Variants in ANKDD1A observed in about 807,000 individuals in gnomAD.
ANKDD1A encodes ankyrin repeat and death domain-containing protein 1A.
In ANKDD1A, 59 loss-of-function variants were observed where a neutral mutation model predicts 63.5. The observed-to-expected ratio is 0.93, with a 90% CI of 0.75 to 1.15. The LOEUF is 1.15. Ranked by LOEUF, ANKDD1A falls within the 50% of genes most tolerant of loss-of-function variation. The probability of loss-of-function intolerance (pLI) is 0.00; values close to 1 mark genes in which losing one functional copy is unlikely to be tolerated. For synonymous variants in ANKDD1A, 266 were observed against 263.9 expected, an observed-to-expected ratio of 1.01 and a Z score of -0.08; for missense variants, 632 against 656.4, an observed-to-expected ratio of 0.96 and a Z score of 0.41.
chr15:64,953,628 T>TTCTTC (rs1472903050), intron 14 of ANKDD1A, among the ~76,000 whole-genome samples: 2 of 125,632 alleles, frequency 1.6e-5, no homozygotes, highest in Non-Finnish European at 3.4e-5. Context: ...CTTCTTCTTC[T>TTCTTC]TCCTTCTTCT....
Position 64,958,666 on chromosome 15 carries a change from C to T in ANKDD1A, c.*1478C>T, listed in dbSNP as rs1408201350. ...TCTGAGAAAAAAAAGTTCTTAAATACAATAAAATTGAAATGTTGAAATATA... is the reference window on the plus strand; with the variant it reads ...TCTGAGAAAAAAAAGTTCTTAAATATAATAAAATTGAAATGTTGAAATATA... On this transcript the variant is annotated 3_prime_UTR_variant, in exon 15 of 15. Coordinates refer to ENST00000319580, the MANE Select transcript of ANKDD1A (RefSeq NM_182703.6). The T allele has an allele frequency of 6.6e-6, 1 of 152,052 alleles. No homozygotes were observed. Among genetic ancestry groups the T allele is most frequent in the Non-Finnish European group, 1.5e-5 (1 of 67,996 alleles). The allele number at this position is 152,052 out of a possible 1,614,324, so 9.4% of individuals were successfully genotyped here.
intron 4 of ANKDD1A, among the ~76,000 whole-genome samples, chr15:64,922,937 T>C (rs536512345): frequency 1.1e-3 from 170 of 152,362 alleles, no homozygotes; most frequent in African/African-American, 4.0e-3. Flanking sequence ...CTTACACTTA[T>C]CATTACATTG....
At chr15:64,939,330 A>C (rs985323852) in intron 9 of ANKDD1A, among the ~76,000 whole-genome samples, 4 of 152,134 alleles carry the variant, frequency 2.6e-5, no homozygotes, top group African/African-American at 9.7e-5. Flanking sequence ...GTTTATTAAA[A>C]ACTGCAGAAT....
rs145919740 is a variant in ANKDD1A at position 64,921,934 on chromosome 15, C to T, written c.281C>T (p.Ala94Val). The T allele has an allele frequency of 5.6e-5, 90 of 1,613,964 alleles. No homozygotes were observed. Among genetic ancestry groups the T allele is most frequent in the Middle Eastern group, 1.6e-4 (1 of 6,084 alleles). ...CCTCTCCCCTAGTTTGGGATGAATG[C>T]GCTTCTCCTGTCTGCCTGGTTCGGC... ...TEARLCFGMN[A>V]LLLSAWFGHL... The change falls in exon 4 of 15, where the codon GCG becomes GTG. Residue 94 changes from alanine (A) to valine (V), a missense_variant. Transcript: ENST00000319580.
chr15:64,942,945 A>C (rs1183226106), intron 10 of ANKDD1A, among the ~76,000 whole-genome samples: 2 of 152,078 alleles, frequency 1.3e-5, no homozygotes, highest in African/African-American at 4.8e-5. Context: ...AGCCCTTTTA[A>C]ATCCTGTCCC....
chr15:64,917,583 C>T, intron 3 of ANKDD1A, 69 bp downstream of exon 3: 1 of 1,503,508 alleles, frequency 6.7e-7, no homozygotes, highest in South Asian at 1.3e-5. Context: ...GGTCTATGAG[C>T]CAGTTGCCGA....
chr15:64,953,964 T>TC lies in ANKDD1A; in HGVS notation c.1484-3139_1484-3138insC, dbSNP rs1555397942. On this transcript the variant is annotated intron_variant, in intron 14 of 14. Coordinates refer to ENST00000319580, the MANE Select transcript of ANKDD1A (RefSeq NM_182703.6). ...TTCCTCTTCTTCTATTGTTTCTTTT[T>TC]TTCTTCTTTCTTCCTCTATCTTCTT... 4.1e-4 allele frequency among the ~76,000 whole-genome samples: 15 copies of TC among 36,912 alleles called. 1 individual carries two copies. The highest frequency in any genetic ancestry group is 6.3e-4 in the African/African-American group (15 of 23,974). The allele number at this position is 36,912 out of a possible 152,430, so 24.2% of individuals were successfully genotyped here.
intron 1 of ANKDD1A, among the ~76,000 whole-genome samples, chr15:64,915,263 C>T (rs187156338): frequency 1.4e-3 from 219 of 152,272 alleles, no homozygotes; most frequent in Non-Finnish European, 2.6e-3. Context: ...CAAGATCACG[C>T]CACTGCACTC....
At chr15:64,944,207 A>T (rs2085206598) in intron 11 of ANKDD1A, among the ~76,000 whole-genome samples, 1 of 152,164 alleles carries the variant, frequency 6.6e-6, no homozygotes, top group African/African-American at 2.4e-5. Context: ...TTCCCATCTC[A>T]CTGCAGGTCT....
At chr15:64,934,526 G>T (rs1406304359) in intron 9 of ANKDD1A, among the ~76,000 whole-genome samples, 1 of 139,186 alleles carries the variant, frequency 7.2e-6, no homozygotes, top group African/African-American at 2.7e-5. Flanking sequence ...TTGAGACAGA[G>T]TCTTGCTCTG....
At chr15:64,912,647 G>A (rs941344505) in intron 1 of ANKDD1A, among the ~76,000 whole-genome samples, 3 of 152,250 alleles carry the variant, frequency 2.0e-5, no homozygotes, top group African/African-American at 7.2e-5. Flanking sequence ...GGAGAGGGGA[G>A]AGAAAGATTG....
At chr15:64,941,717 A>G (rs1014499884) in intron 9 of ANKDD1A, among the ~76,000 whole-genome samples, 22 of 152,302 alleles carry the variant, frequency 1.4e-4, no homozygotes, top group African/African-American at 5.1e-4. Flanking sequence ...GCCTTGTACT[A>G]TTCCACAGGA....
In ANKDD1A at chr15:64,955,026, TCC is replaced by T. The variant is rs1248779830; in HGVS notation, c.1484-2076_1484-2075del. The stretch of plus-strand genomic sequence containing the variant: ...TCCTTCTTCTTCCACTTCTTCTTCT[TCC>T]TCTTCTTCTTCTTTCTTTCTTTCTT... On this transcript the variant is annotated intron_variant, in intron 14 of 14. Coordinates refer to ENST00000319580, the MANE Select transcript of ANKDD1A (RefSeq NM_182703.6). Among the ~76,000 whole-genome samples the T allele has an allele frequency of 6.1e-3, 537 of 87,524 alleles. 4 individuals are homozygous for T. The Middle Eastern group carries it at 0.074, about 12-fold the overall frequency. The allele number at this position is 87,524 out of a possible 152,430, so 57.4% of individuals were successfully genotyped here. A position where few individuals can be genotyped will look rare whatever the true frequency, so the allele number is the denominator to read the frequency against.
At chr15:64,926,339 G>A (rs968727863) in intron 5 of ANKDD1A, among the ~76,000 whole-genome samples, 169 bp downstream of exon 5, 7 of 152,098 alleles carry the variant, frequency 4.6e-5, no homozygotes, top group African/African-American at 7.2e-5. Context: ...GCGCAAATGA[G>A]CAGAATACAA....
chr15:64,953,128 TCTTC>T (rs1159538119), intron 14 of ANKDD1A, among the ~76,000 whole-genome samples: 1 of 131,116 alleles, frequency 7.6e-6, no homozygotes, highest in African/African-American at 2.7e-5. Flanking sequence ...TCTACTTTCT[TCTTC>T]CTTTTTTCTT....
chr15:64,915,886 A>G lies in ANKDD1A; in HGVS notation c.124A>G (p.Arg42Gly). 1 of 1,613,728 alleles carries G rather than the reference A, an allele frequency of 6.2e-7. No homozygotes were observed. Among genetic ancestry groups the G allele is most frequent in the Non-Finnish European group, 8.5e-7 (1 of 1,179,780 alleles). ...GCTGATTGGGAGGAGGGTTAACACC[A>G]GGGCCAGAAACCACGTGCGTAATGA... ...QELIGRRVNT[R>G]ARNHVGRVAL... The change falls in exon 2 of 15, where the codon AGG (arginine) becomes GGG (glycine). Residue 42 changes from arginine (R) to glycine (G), a missense_variant. Physicochemically the swap from Arg to Gly is moderately radical, Grantham distance 125 (BLOSUM62 -2). Transcript: ENST00000319580.
chr15:64,953,663 T>TTCTTCCTTTTCC (rs2085354669), intron 14 of ANKDD1A, among the ~76,000 whole-genome samples: 2 of 135,440 alleles, frequency 1.5e-5, no homozygotes, highest in Admixed American at 1.5e-4. Context: ...CTTCTTTTCT[T>TTCTTCCTTTTCC]TCTTCTCCTT....
In ANKDD1A at chr15:64,926,912, G is replaced by A. The variant is rs144515181; in HGVS notation, c.483G>A (p.Thr161=). The A allele has an allele frequency of 9.9e-6, 16 of 1,614,182 alleles. No individual in the cohort carries two copies. In the African/African-American group the frequency reaches 1.6e-4, roughly 16 times the overall value. ...ALDHVDKLGR[T]AFHRAAEHGQ... Reference sequence around the variant, plus strand: ...CTCCTCCCGGCCAGCTGGGGAGGACGGCGTTTCACAGGGCAGCTGAGCACG... The same window carrying A: ...CTCCTCCCGGCCAGCTGGGGAGGACAGCGTTTCACAGGGCAGCTGAGCACG... The change falls in exon 6 of 15, where the codon ACG becomes ACA. Residue 161 remains threonine (T), a synonymous_variant. Transcript: ENST00000319580.
intron 14 of ANKDD1A, among the ~76,000 whole-genome samples, chr15:64,954,995 C>T (rs1343113999): frequency 6.6e-6 from 1 of 150,398 alleles, no homozygotes; most frequent in Non-Finnish European, 1.5e-5. Flanking sequence ...TTCTCCTCTT[C>T]CTCTTTCCTT....
Sources: gnomAD v4.1 joint callset for allele counts (sites outside exome capture counted in the v4.1 genomes callset) on GRCh38, gnomAD v4.1.1 for gene constraint, MANE v1.5 for transcripts, NCBI Gene and HGNC (gene_info 2026-07-23, HGNC 2026-07-21) for gene names.